The following LINGO3 variants were observed in gnomAD, a reference collection of about 807,000 sequenced individuals.
LINGO3 encodes the protein leucine-rich repeat and immunoglobulin-like domain-containing nogo receptor-interacting protein 3.
For synonymous variants in LINGO3, 427 were observed against 444.2 expected, an observed-to-expected ratio of 0.96 and a Z score of 0.49; for missense variants, 750 against 867.7, an observed-to-expected ratio of 0.86 and a Z score of 1.70.
the LINGO3 span, among the ~76,000 whole-genome samples, chr19:2,305,336 C>A: frequency 3.9e-5 from 6 of 152,036 alleles, no homozygotes; most frequent in Non-Finnish European, 7.4e-5. Context: ...CCCTGTACCC[C>A]CAGCTGTCCT....
downstream of LINGO3, among the ~76,000 whole-genome samples, chr19:2,287,813 A>C (rs2025480519): frequency 6.6e-6 from 1 of 152,174 alleles, no homozygotes; most frequent in Non-Finnish European, 1.5e-5. This position sits in a 1 kb window ranked among gnomAD's most constrained non-coding sequence, Gnocchi z 4.5. Flanking sequence ...TCACCAGCTG[A>C]GATCACATAG....
chr19:2,307,199 C>T, the LINGO3 span, among the ~76,000 whole-genome samples: 1 of 152,326 alleles, frequency 6.6e-6, no homozygotes, highest in East Asian at 1.9e-4. Context: ...AGCCTCGCTG[C>T]GTCCATGGTT....
chr19:2,290,443 T>TG lies in LINGO3; in HGVS notation c.1333dup (p.Gln445ProfsTer216), dbSNP rs1367325320. The TG allele has an allele frequency of 2.3e-5, 33 of 1,450,996 alleles. No homozygotes were observed. Among genetic ancestry groups the TG allele is most frequent in the Non-Finnish European group, 2.8e-5 (31 of 1,109,884 alleles). The allele number at this position is 1,450,996 out of a possible 1,614,324, so 89.9% of individuals were successfully genotyped here. ...GCTGGTGGCCGTCACCGGCCGGTGC[T>TG]GGGGGGTCACCCAGGCCACGGTGGG... On this transcript the variant is annotated frameshift_variant, in exon 1 of 1. Transcript: ENST00000585527. LOFTEE classifies it low-confidence loss of function (END_TRUNC). This position sits in a 1 kb window ranked among gnomAD's most constrained non-coding sequence, Gnocchi z 6.0.
chr19:2,292,189 T>TA (rs111650972), upstream of LINGO3, among the ~76,000 whole-genome samples: 48,703 of 142,398 alleles, frequency 0.34, 10,142 homozygotes, highest in African/African-American at 0.56. Context: ...CCCCTGTCTC[T>TA]TAAAAAAAAA....
At chr19:2,302,826 T>TG in the LINGO3 span, among the ~76,000 whole-genome samples, 2 of 151,828 alleles carry the variant, frequency 1.3e-5, no homozygotes, top group South Asian at 2.1e-4. Context: ...TGGACGGGAG[T>TG]GGGGGTCTGT....
chr19:2,300,023 CTTTTT>C, the LINGO3 span, among the ~76,000 whole-genome samples: 3 of 95,864 alleles, frequency 3.1e-5, no homozygotes, highest in African/African-American at 7.6e-5. Flanking sequence ...TGCCTGGCCT[CTTTTT>C]TTTTTTTTTT....
In LINGO3 at chr19:2,290,734, C is replaced by T. The variant is rs1213870366; in HGVS notation, c.1043G>A (p.Arg348His). ...GCAGGCCAGCGGGTTCCCGTCCACG[C>T]GCAGCGTCTCTAGCGTGTTCACCGA... is the stretch of plus-strand genomic sequence containing the variant. Residue 348 changes from arginine to histidine, a missense_variant, in exon 1 of 1, where the codon CGC (arginine) becomes CAC (histidine). Arg to His is a conservative substitution (Grantham distance 29). Coordinates refer to ENST00000585527, the Ensembl canonical transcript of LINGO3. This position sits in a 1 kb window ranked among gnomAD's most constrained non-coding sequence, Gnocchi z 6.0. 2 of 1,612,610 alleles carry T rather than the reference C, an allele frequency of 1.2e-6. No homozygotes were observed. Among genetic ancestry groups the T allele is most frequent in the Admixed American group, 1.7e-5 (1 of 59,982 alleles).
At chr19:2,302,639 G>A in the LINGO3 span, among the ~76,000 whole-genome samples, 5 of 152,194 alleles carry the variant, frequency 3.3e-5, no homozygotes, top group East Asian at 5.8e-4. Flanking sequence ...TGGCGGGCTC[G>A]GTGAGCTCTG....
upstream of LINGO3, among the ~76,000 whole-genome samples, chr19:2,293,643 A>T (rs1252933282): frequency 6.6e-6 from 1 of 150,572 alleles, no homozygotes; most frequent in Admixed American, 6.6e-5. Context: ...TACAGGTGTG[A>T]GCCACCGCGC....
the LINGO3 span, among the ~76,000 whole-genome samples, chr19:2,303,653 G>A: frequency 2.6e-5 from 4 of 152,220 alleles, no homozygotes; most frequent in South Asian, 2.1e-4. Flanking sequence ...TGGAAGGCGC[G>A]TCCAGCTCTG....
chr19:2,306,098 C>T, the LINGO3 span, among the ~76,000 whole-genome samples: 1 of 152,170 alleles, frequency 6.6e-6, no homozygotes, highest in Non-Finnish European at 1.5e-5. Flanking sequence ...GGATCTGGAA[C>T]CAGTTTTGGA....
In LINGO3 at chr19:2,291,182, T is replaced by G. The variant is rs2025516349; in HGVS notation, c.595A>C (p.Ser199Arg). Residue 199 changes from serine (S) to arginine (R), a missense_variant, in exon 1 of 1, where the codon AGC becomes CGC. Physicochemically the swap from Ser to Arg is moderately radical, Grantham distance 110. Coordinates refer to ENST00000585527, the Ensembl canonical transcript of LINGO3. ...TGGCGCAGCCGCAGGGCGCCCAGGC[T>G]GCGCAGATGGCCCAGCGACTCCCCG... 4.4e-6 allele frequency: 7 copies of G among 1,608,518 alleles called. No individual in the cohort carries two copies. Among genetic ancestry groups the G allele is most frequent in the Non-Finnish European group, 4.2e-6 (5 of 1,178,170 alleles).
the LINGO3 span, among the ~76,000 whole-genome samples, chr19:2,298,760 C>G: frequency 3.9e-5 from 6 of 151,978 alleles, no homozygotes; most frequent in African/African-American, 1.5e-4. Context: ...AGGCTGGTCT[C>G]GAACTCCTGA....
At chr19:2,299,573 A>G in the LINGO3 span, among the ~76,000 whole-genome samples, 41 of 142,784 alleles carry the variant, frequency 2.9e-4, no homozygotes, top group East Asian at 8.4e-4. Context: ...GCAGGCGCCC[A>G]CCACTATGCC....
chr19:2,292,558 C>T (rs1381418046), upstream of LINGO3, among the ~76,000 whole-genome samples: 2 of 151,776 alleles, frequency 1.3e-5, no homozygotes, highest in Admixed American at 6.6e-5. Context: ...GGCTTGATCT[C>T]GGCTCACTGA....
chr19:2,300,762 G>A, the LINGO3 span, among the ~76,000 whole-genome samples: 2 of 152,022 alleles, frequency 1.3e-5, no homozygotes, highest in African/African-American at 4.8e-5. Flanking sequence ...GCTCCAGTTC[G>A]CCCCCAACAT....
At position 2,291,954 on chromosome 19, in the gene LINGO3, A is replaced by C. The variant is rs926678377; in HGVS notation, c.-178T>G. ...GTAAACCCAGCATTTTGGGAGGCTG[A>C]GATGGAAGAATTGCTTGAGTTCAAG... On this transcript the variant is annotated 5_prime_UTR_variant, in exon 1 of 1. Coordinates refer to ENST00000585527, the Ensembl canonical transcript of LINGO3. 5 of 625,356 alleles carry C rather than the reference A, an allele frequency of 8.0e-6. No individual in the cohort carries two copies. The Admixed American group carries it at 8.5e-5, about 11-fold the overall frequency. The allele number at this position is 625,356 out of a possible 1,614,324, so 38.7% of individuals were successfully genotyped here.
At chr19:2,307,626 C>G in the LINGO3 span, among the ~76,000 whole-genome samples, 1 of 152,218 alleles carries the variant, frequency 6.6e-6, no homozygotes, top group Non-Finnish European at 1.5e-5. Context: ...ACCCCAGATA[C>G]CCTTTGCGTC....
the LINGO3 span, among the ~76,000 whole-genome samples, chr19:2,302,661 C>T: frequency 1.3e-5 from 2 of 152,216 alleles, no homozygotes; most frequent in African/African-American, 2.4e-5. Context: ...TGCCCGGTCT[C>T]GGGAGTCTGG....
Sources: gnomAD v4.1 joint callset for allele counts (sites outside exome capture counted in the v4.1 genomes callset) on GRCh38, gnomAD v4.1.1 for gene constraint, Gnocchi (gnomAD v3.1) non-coding constraint, MANE v1.5 for transcripts, NCBI Gene and HGNC (gene_info 2026-07-23, HGNC 2026-07-21) for gene names.